The following CAPZB variants were observed in gnomAD, a reference collection of about 807,000 sequenced individuals.
CAPZB encodes the protein F-actin-capping protein subunit beta.
In CAPZB, 2 loss-of-function variants were observed where a neutral mutation model predicts 38.1. The observed-to-expected ratio is 0.05, with a 90% CI of 0.02 to 0.17. The LOEUF (loss-of-function observed/expected upper bound fraction) is 0.17, where lower values mean the gene tolerates loss of function less well. Ranked by LOEUF, CAPZB falls within the 10% of genes least tolerant of loss-of-function variation. The pLI, the probability that CAPZB is intolerant of heterozygous loss-of-function variation, is 1.00. For synonymous variants in CAPZB, 107 were observed against 127.4 expected, an observed-to-expected ratio of 0.84 and a Z score of 1.08; for missense variants, 161 against 334.2, an observed-to-expected ratio of 0.48 and a Z score of 4.04.
intron 2 of CAPZB, among the ~76,000 whole-genome samples, chr1:19,415,495 C>A (rs1043159948): frequency 1.3e-5 from 2 of 152,182 alleles, no homozygotes; most frequent in African/African-American, 4.8e-5. Flanking sequence ...AAAAGCATTT[C>A]GTAAGTTCAG....
chr1:19,457,665 A>G (rs2094537153), intron 1 of CAPZB, among the ~76,000 whole-genome samples: 1 of 152,228 alleles, frequency 6.6e-6, no homozygotes. Context: ...GTGTTAACAA[A>G]GAAGCAATAA....
chr1:19,451,005 C>T (rs1298816569), intron 1 of CAPZB, among the ~76,000 whole-genome samples: 1 of 152,194 alleles, frequency 6.6e-6, no homozygotes, highest in Non-Finnish European at 1.5e-5. Flanking sequence ...AAGGACTGCT[C>T]TCATCTGGTG....
chr1:19,356,845 A>G lies in CAPZB; in HGVS notation c.472-94T>C. ...ATCCTAACATCTCCCTTCCTAGGTC[A>G]TTATCACAATATTACCTTTTTTTTT... On this transcript the variant is annotated intron_variant, in intron 5 of 8. Coordinates refer to ENST00000264202, the MANE Select transcript of CAPZB (RefSeq NM_004930.5). The surrounding 1 kb of genome is among the most constrained non-coding windows in gnomAD (Gnocchi z 4.3). 2 of 755,596 alleles carry G rather than the reference A, an allele frequency of 2.6e-6. No individual in the cohort carries two copies. Among genetic ancestry groups the G allele is most frequent in the Non-Finnish European group, 2.2e-6 (1 of 444,830 alleles). 46.8% of individuals were successfully genotyped at this position (755,596 alleles called of 1,614,324 possible). A position where few individuals can be genotyped will look rare whatever the true frequency, so the allele number is the denominator to read the frequency against.
intron 4 of CAPZB, among the ~76,000 whole-genome samples, chr1:19,361,153 C>T (rs542946074): frequency 3.3e-5 from 5 of 152,244 alleles, no homozygotes; most frequent in South Asian, 4.1e-4. Flanking sequence ...AGTATTCAGT[C>T]GGGTAGTATC....
intron 1 of CAPZB, among the ~76,000 whole-genome samples, chr1:19,467,241 A>G (rs2094571992): frequency 6.6e-6 from 1 of 152,222 alleles, no homozygotes; most frequent in South Asian, 2.1e-4. Context: ...TAATAATAAA[A>G]GTAGCATACA....
chr1:19,359,585 G>A (rs537933737), intron 4 of CAPZB, among the ~76,000 whole-genome samples: 1 of 152,320 alleles, frequency 6.6e-6, no homozygotes, highest in Admixed American at 6.5e-5. Context: ...GTGTCCACGG[G>A]TGAGTCTACA....
chr1:19,421,719 T>C (rs1359516072), intron 1 of CAPZB, among the ~76,000 whole-genome samples: 6 of 152,226 alleles, frequency 3.9e-5, no homozygotes, highest in Non-Finnish European at 4.4e-5. Flanking sequence ...AATACTGCCA[T>C]TCATTAACTT....
chr1:19,471,119 A>G (rs2094585469), intron 1 of CAPZB, among the ~76,000 whole-genome samples: 1 of 152,256 alleles, frequency 6.6e-6, no homozygotes, highest in Non-Finnish European at 1.5e-5. Flanking sequence ...AGTTATTATC[A>G]ATAACTGATA....
chr1:19,388,038 C>T (rs2094213079), intron 2 of CAPZB, among the ~76,000 whole-genome samples: 1 of 152,222 alleles, frequency 6.6e-6, no homozygotes, highest in Admixed American at 6.5e-5. Context: ...TCCGGTGCTT[C>T]ACCCCAGTTC....
chr1:19,451,447 C>T (rs1191596768), intron 1 of CAPZB, among the ~76,000 whole-genome samples: 1 of 152,148 alleles, frequency 6.6e-6, no homozygotes, highest in Non-Finnish European at 1.5e-5. Context: ...TTTATTCCTG[C>T]TCCCCACCGG....
chr1:19,354,555 GC>G (rs1299527179), intron 6 of CAPZB, among the ~76,000 whole-genome samples: 1 of 152,192 alleles, frequency 6.6e-6, no homozygotes, highest in African/African-American at 2.4e-5. Context: ...AGCCCCCAGA[GC>G]AAAAGGCAAC....
intron 1 of CAPZB, among the ~76,000 whole-genome samples, chr1:19,437,162 C>A (rs186216029): frequency 9.8e-5 from 15 of 152,298 alleles, no homozygotes; most frequent in African/African-American, 3.1e-4. Flanking sequence ...CTCATCCAGA[C>A]AAATAAATCT....
At chr1:19,391,699 C>T (rs921333792) in intron 2 of CAPZB, among the ~76,000 whole-genome samples, 2 of 152,228 alleles carry the variant, frequency 1.3e-5, no homozygotes, top group Non-Finnish European at 2.9e-5. Flanking sequence ...CACTTGCTGG[C>T]TGAGTGTAAC....
At chr1:19,367,216 ACCAGCCTGCACT>A (rs1457317787) in intron 4 of CAPZB, among the ~76,000 whole-genome samples, 11 of 152,360 alleles carry the variant, frequency 7.2e-5, no homozygotes, top group Admixed American at 3.3e-4. Flanking sequence ...CACTGGTTAT[ACCAGCCTGCACT>A]CAAGATGCAT....
chr1:19,485,009 G>A (rs2094646020), intron 1 of CAPZB, among the ~76,000 whole-genome samples: 1 of 152,132 alleles, frequency 6.6e-6, no homozygotes, highest in Admixed American at 6.5e-5. Context: ...CCTGGGCCAT[G>A]GCAGGGAGAA....
Position 19,411,949 on chromosome 1 carries a change from G to A in CAPZB, c.93+7712C>T, listed in dbSNP as rs180770622. Among the ~76,000 whole-genome samples, 57 of 152,280 alleles carry A rather than the reference G, an allele frequency of 3.7e-4. No homozygotes were observed. In the East Asian group the frequency reaches 6.2e-3, roughly 17 times the overall value. ...GCCATCCTCCGGAGAGGCCAGGATG[G>A]GCAGGAAACGCCAGCTTGGCACCCA... On this transcript the variant is annotated intron_variant, in intron 2 of 8. Coordinates refer to ENST00000264202, the MANE Select transcript of CAPZB (RefSeq NM_004930.5).
intron 1 of CAPZB, among the ~76,000 whole-genome samples, chr1:19,453,084 C>T (rs183631960): frequency 2.0e-5 from 3 of 151,688 alleles, no homozygotes; most frequent in African/African-American, 4.8e-5. Flanking sequence ...GGATTAGAGG[C>T]GTGAGCCACC....
chr1:19,349,452 T>C lies in CAPZB; in HGVS notation c.589-4200A>G, dbSNP rs142608414. 5.8e-3 allele frequency among the ~76,000 whole-genome samples: 882 copies of C among 152,228 alleles called. 4 individuals are homozygous for C. Among genetic ancestry groups the C allele is most frequent in the Middle Eastern group, 0.02 (6 of 294 alleles). Reference sequence around the variant, plus strand: ...GAAGGGATGAGGGTTTTGAGCTCACTGTGGGCCCCATTTTAAATGGGCACC... The same window carrying C: ...GAAGGGATGAGGGTTTTGAGCTCACCGTGGGCCCCATTTTAAATGGGCACC... On this transcript the variant is annotated intron_variant, in intron 6 of 8. Transcript: ENST00000264202.
At chr1:19,453,024 C>T (rs1046829823) in intron 1 of CAPZB, among the ~76,000 whole-genome samples, 2 of 151,984 alleles carry the variant, frequency 1.3e-5, no homozygotes, top group East Asian at 1.9e-4. Flanking sequence ...AGGCTGGTCT[C>T]GAACTCCTGA....
Sources: gnomAD v4.1 joint callset for allele counts (sites outside exome capture counted in the v4.1 genomes callset) on GRCh38, gnomAD v4.1.1 for gene constraint, Gnocchi (gnomAD v3.1) non-coding constraint, MANE v1.5 for transcripts, NCBI Gene and HGNC (gene_info 2026-07-23, HGNC 2026-07-21) for gene names.